The following ELP4 variants were observed in gnomAD, a reference collection of about 807,000 sequenced individuals.
ELP4 encodes elongator acetyltransferase complex subunit 4, also known as elongator complex protein 4.
A neutral mutation model predicts 48.9 loss-of-function variants in ELP4; 51 were observed. The observed-to-expected ratio is 1.04, with a 90% CI of 0.83 to 1.32. The LOEUF is 1.32. Ranked by LOEUF, ELP4 falls within the 40% of genes most tolerant of loss-of-function variation. ELP4 has a pLI of 0.00. For missense variants in ELP4, 519 were observed against 514.6 expected (o/e 1.01, Z -0.08); for synonymous variants, 210 against 189.2 (o/e 1.11, Z -0.90).
At chr11:31,751,138 C>T (rs1457101209) in intron 9 of ELP4, among the ~76,000 whole-genome samples, 1 of 152,196 alleles carries the variant, frequency 6.6e-6, no homozygotes, top group Non-Finnish European at 1.5e-5. Context: ...CTTCTCTCAA[C>T]TCAAATTAAT....
chr11:31,766,762 G>C lies in ELP4; in HGVS notation c.1144-16631G>C, dbSNP rs191238789. ...TGTTATAATTTTTCATTTAGAAACAGAACTACTAAGTGTTTGTAATATACT... is the reference window on the plus strand; with the variant it reads ...TGTTATAATTTTTCATTTAGAAACACAACTACTAAGTGTTTGTAATATACT... On this transcript the variant is annotated intron_variant, in intron 9 of 9. Transcript: ENST00000640961. 9.7e-4 allele frequency among the ~76,000 whole-genome samples: 147 copies of C among 152,068 alleles called. 1 individual carries two copies. The highest frequency in any genetic ancestry group is 9.5e-3 in the Admixed American group (145 of 15,264).
chr11:31,518,590 A>G (rs1956160221), intron 1 of ELP4, among the ~76,000 whole-genome samples: 1 of 147,564 alleles, frequency 6.8e-6, no homozygotes, highest in African/African-American at 2.5e-5. Flanking sequence ...CTTGCCTTCC[A>G]GGTTCAAAAA....
At chr11:31,551,679 G>A (rs1050507944) in intron 3 of ELP4, among the ~76,000 whole-genome samples, 13 of 152,098 alleles carry the variant, frequency 8.5e-5, no homozygotes, top group African/African-American at 2.7e-4. Context: ...CATGCATTAA[G>A]TATGGGCAGT....
chr11:31,620,422 A>T (rs1009070031), intron 5 of ELP4, among the ~76,000 whole-genome samples: 1 of 151,968 alleles, frequency 6.6e-6, no homozygotes, highest in Non-Finnish European at 1.5e-5. Flanking sequence ...GCCTATGGGT[A>T]CTAGGTGGAA....
chr11:31,601,181 TTTTTA>T (rs1364097713), intron 4 of ELP4, among the ~76,000 whole-genome samples: 4,012 of 152,158 alleles, frequency 0.026, 165 homozygotes, highest in African/African-American at 0.091. Flanking sequence ...GTAGTTATCT[TTTTTA>T]GAGGAAATGT....
At chr11:31,581,106 G>T in intron 3 of ELP4, among the ~76,000 whole-genome samples, 1 of 152,076 alleles carries the variant, frequency 6.6e-6, no homozygotes, top group East Asian at 1.9e-4. Context: ...TTCCACTAAA[G>T]TTTTCAAACT....
intron 3 of ELP4, among the ~76,000 whole-genome samples, chr11:31,541,018 A>G (rs1956582412): frequency 6.6e-6 from 1 of 152,056 alleles, no homozygotes; most frequent in African/African-American, 2.4e-5. Flanking sequence ...AATTTAAGAC[A>G]TTATTTGAAT....
At chr11:31,662,380 C>T (rs1435796440) in intron 9 of ELP4, 1 of 391,158 alleles carries the variant, frequency 2.6e-6, no homozygotes, top group African/African-American at 2.1e-5. Flanking sequence ...ATTAAAGCAA[C>T]TATGCCCCTG....
intron 9 of ELP4, among the ~76,000 whole-genome samples, chr11:31,673,207 G>A (rs1310399062): frequency 6.6e-6 from 1 of 152,086 alleles, no homozygotes; most frequent in African/African-American, 2.4e-5. Context: ...AGTAGAGATG[G>A]GGTTTCGCCA....
At chr11:31,609,626 G>A (rs181953578) in intron 5 of ELP4, among the ~76,000 whole-genome samples, 1 of 151,916 alleles carries the variant, frequency 6.6e-6, no homozygotes, top group Admixed American at 6.6e-5. Context: ...GCCCGGCCGG[G>A]GTCTGTGGGT....
intron 9 of ELP4, among the ~76,000 whole-genome samples, chr11:31,739,140 T>A (rs1252250098): frequency 6.6e-6 from 1 of 152,032 alleles, no homozygotes; most frequent in East Asian, 1.9e-4. Flanking sequence ...AATATTCTCA[T>A]GACAAATGGG....
intron 7 of ELP4, chr11:31,633,604 T>G (rs1316360668): frequency 2.0e-5 from 3 of 152,020 alleles, no homozygotes; most frequent in Non-Finnish European, 4.4e-5. Context: ...AACTCTTTTC[T>G]CTAATCATGC....
chr11:31,720,918 G>GGGAAAA, intron 9 of ELP4, among the ~76,000 whole-genome samples: 1 of 152,282 alleles, frequency 6.6e-6, no homozygotes, highest in Non-Finnish European at 1.5e-5. Context: ...GACAGGCCAG[G>GGGAAAA]GGAGTTTGTG....
chr11:31,512,798 C>G (rs1387286666), intron 1 of ELP4, among the ~76,000 whole-genome samples: 2 of 146,294 alleles, frequency 1.4e-5, no homozygotes, highest in Non-Finnish European at 3.0e-5. Flanking sequence ...TCCGCCCCCC[C>G]TCCCCCGCCC....
chr11:31,564,349 G>T (rs1957070136), intron 3 of ELP4, among the ~76,000 whole-genome samples: 2 of 150,924 alleles, frequency 1.3e-5, no homozygotes, highest in African/African-American at 2.4e-5. Context: ...AGAGATATAG[G>T]ATGACACTGT....
intron 9 of ELP4, chr11:31,653,411 A>G (rs1015871484): frequency 3.3e-5 from 5 of 151,760 alleles, no homozygotes; most frequent in African/African-American, 1.2e-4. Context: ...ACCAGATCGA[A>G]TTTACCTAAC....
chr11:31,576,026 G>A (rs1010525967), intron 3 of ELP4, among the ~76,000 whole-genome samples: 5 of 152,178 alleles, frequency 3.3e-5, no homozygotes, highest in African/African-American at 1.2e-4. Context: ...ACCCATCAGT[G>A]TGCTGCATTC....
rs1320220988 is a variant in ELP4, at chr11:31,789,256, ATACT to A, written c.*5736_*5739del. ...TTCTGAGGATTTCTAGGGAAGACAA[ATACT>A]TACATTTTGACATAAAACAAATTGG... On this transcript the variant is annotated 3_prime_UTR_variant, in exon 10 of 10. Coordinates refer to ENST00000640961, the MANE Select transcript of ELP4 (RefSeq NM_019040.5). The A allele has an allele frequency of 2.8e-5, 6 of 216,820 alleles. No homozygotes were observed. The highest frequency in any genetic ancestry group is 4.5e-5 in the African/African-American group (2 of 44,536). The allele number at this position is 216,820 out of a possible 1,614,324, so 13.4% of individuals were successfully genotyped here.
At position 31,521,230 on chromosome 11, in the gene ELP4, G is replaced by A. The variant is rs117444095; in HGVS notation, c.259+1139G>A. Among the ~76,000 whole-genome samples the A allele has an allele frequency of 7.4e-3, 1,127 of 151,700 alleles. 7 individuals are homozygous for A. The highest frequency in any genetic ancestry group is 0.012 in the Non-Finnish European group (803 of 67,862). ...TAAAGAGTAATAATATTAGTAGTGA[G>A]AGCTGCCTTTTATTTAACTCTTACT... On this transcript the variant is annotated intron_variant, in intron 2 of 9. Transcript: ENST00000640961.
Sources: allele counts gnomAD v4.1 joint callset (sites outside exome capture counted in the v4.1 genomes callset), GRCh38; gene constraint gnomAD v4.1.1; transcripts MANE v1.5; gene names NCBI Gene and HGNC (gene_info 2026-07-23, HGNC 2026-07-21).